The following LRRC32 variants were observed in gnomAD, a reference collection of about 807,000 sequenced individuals.
The protein encoded by LRRC32 is leucine rich repeat containing 32.
A neutral mutation model predicts 15.0 loss-of-function variants in LRRC32; 5 were observed. The observed-to-expected ratio is 0.33, with a 90% CI of 0.17 to 0.70. LRRC32 has a LOEUF of 0.70. Among genes scored for constraint, LRRC32 ranks in the 30% least tolerant of loss-of-function variants. The pLI, the probability that LRRC32 is intolerant of heterozygous loss-of-function variation, is 0.66. For synonymous variants in LRRC32, 391 were observed against 403.9 expected (o/e 0.97, Z 0.38); for missense variants, 803 against 854.2 (o/e 0.94, Z 0.75).
At position 76,660,511 on chromosome 11, in the gene LRRC32, G is replaced by A; in HGVS notation, c.1082C>T (p.Ser361Phe). ...GTCAAGGAGCATCAGGCAGGGCAGGGAGCCTAAGCGCCGGGCCTCAAAGGT... is the reference window on the plus strand; with the variant it reads ...GTCAAGGAGCATCAGGCAGGGCAGGAAGCCTAAGCGCCGGGCCTCAAAGGT... ...LRTFEARRLG[S>F]LPCLMLLDLS... is the part of the protein sequence containing the mutation. The change falls in exon 3 of 3, where the codon TCC becomes TTC. Residue 361 changes from serine to phenylalanine, a missense_variant. Coordinates refer to ENST00000260061, the MANE Select transcript of LRRC32 (RefSeq NM_001128922.2). The A allele has an allele frequency of 1.2e-6, 2 of 1,614,156 alleles. No individual in the cohort carries two copies. Among genetic ancestry groups the A allele is most frequent in the Non-Finnish European group, 1.7e-6 (2 of 1,180,024 alleles).
At position 76,660,183 on chromosome 11, in the gene LRRC32, C is replaced by T. The variant is rs1453318872; in HGVS notation, c.1410G>A (p.Glu470=). 1 of 1,593,394 alleles carries T rather than the reference C, an allele frequency of 6.3e-7. No homozygotes were observed. The highest frequency in any genetic ancestry group is 1.1e-5 in the South Asian group (1 of 88,254). ...GCCCAGGATTGGAAGAAAGGTCCAG[C>T]TCAGTCAGTGGGGTGTGGAGGAAGG... The part of the protein sequence containing the change: ...AGAFLHTPLT[E]LDLSSNPGLE... The change falls in exon 3 of 3, where the codon GAG becomes GAA. Residue 470 remains glutamate (E), a synonymous_variant. Transcript: ENST00000260061.
Position 76,661,361 on chromosome 11 carries a change from G to A in LRRC32, c.232C>T (p.Leu78=), listed in dbSNP as rs758901695. Residue 78 remains leucine (L), a synonymous_variant, in exon 3 of 3, where the codon CTG becomes TTG. Coordinates refer to ENST00000260061, the MANE Select transcript of LRRC32 (RefSeq NM_001128922.2). ...CTGATCTCATTGGTGCTCAGGTCCA[G>A]GTGACGAAGTGCTGTGTAGAAGCCC... ...PLGFYTALRH[L]DLSTNEISFL... is the part of the protein sequence containing the mutation. 6 of 1,614,088 alleles carry A rather than the reference G, an allele frequency of 3.7e-6. No individual in the cohort carries two copies. In the Admixed American group the frequency reaches 5.0e-5, roughly 13 times the overall value.
rs1358518255 is a variant in LRRC32, at chr11:76,669,384, T to TGA, written c.-5+1229_-5+1230insTC. ...GTGTGTGTGTGTGTGTGTGTGTGTG[T>TGA]GTGAGAGAGAGAGAGAGAGTGAGAG... On this transcript the variant is annotated intron_variant, in intron 1 of 2. Transcript: ENST00000260061. Among the ~76,000 whole-genome samples the TGA allele has an allele frequency of 7.5e-3, 1,016 of 135,166 alleles. 5 individuals are homozygous for TGA. The highest frequency in any genetic ancestry group is 0.018 in the South Asian group (76 of 4,322). 88.7% of individuals were successfully genotyped at this position (135,166 alleles called of 152,430 possible).
rs1185813552 is a variant in LRRC32, at chr11:76,659,589, T to G, written c.*15A>C. The G allele has an allele frequency of 6.2e-7, 1 of 1,610,006 alleles. No homozygotes were observed. ...CTCAGGCTCCCCCACTGACCTAGAG[T>G]GTCTCCCGGCTTCTTTAGGCTTTAT... On this transcript the variant is annotated 3_prime_UTR_variant, in exon 3 of 3. Coordinates refer to ENST00000260061, the MANE Select transcript of LRRC32 (RefSeq NM_001128922.2).
chr11:76,661,293 C>A lies in LRRC32; in HGVS notation c.300G>T (p.Glu100Asp). Residue 100 changes from glutamate (E) to aspartate (D), a missense_variant, in exon 3 of 3, where the codon GAG (glutamate) becomes GAT (aspartate). Physicochemically the swap from Glu to Asp is conservative, Grantham distance 45. Transcript: ENST00000260061. ...PGAFQALTHL[E>D]HLSLAHNRLA... ...GCCGGTTGTGAGCCAGGCTGAGGTG[C>A]TCCAGGTGGGTCAGGGCCTGGAAGG... 6.2e-7 allele frequency: 1 copy of A among 1,614,188 alleles called. No individual in the cohort carries two copies. Among genetic ancestry groups the A allele is most frequent in the Non-Finnish European group, 8.5e-7 (1 of 1,180,026 alleles).
At chr11:76,670,512 G>C (rs1057456868) in intron 1 of LRRC32, 102 bp downstream of exon 1, 34 of 152,156 alleles carry the variant, frequency 2.2e-4, no homozygotes, top group Non-Finnish European at 4.4e-5. Flanking sequence ...GGAGTGTTTG[G>C]GGGGCGTCCC....
intron 1 of LRRC32, among the ~76,000 whole-genome samples, chr11:76,667,266 C>T (rs1952640700): frequency 6.6e-6 from 1 of 152,188 alleles, no homozygotes; most frequent in Non-Finnish European, 1.5e-5. Flanking sequence ...AGGTACTATG[C>T]CCGAGGTCAC....
At chr11:76,663,422 A>G (rs1952571236) in intron 2 of LRRC32, 1 of 152,242 alleles carries the variant, frequency 6.6e-6, no homozygotes, top group African/African-American at 2.4e-5. Context: ...GGGAGGGAAC[A>G]CAAGCCGGTG....
chr11:76,661,867 G>A (rs987934843), intron 2 of LRRC32, among the ~76,000 whole-genome samples: 3 of 152,222 alleles, frequency 2.0e-5, no homozygotes, highest in African/African-American at 4.8e-5. Flanking sequence ...ATCCCACAGA[G>A]TGACCCCAAG....
At chr11:76,667,929 G>A (rs1055595790) in intron 1 of LRRC32, among the ~76,000 whole-genome samples, 3 of 152,204 alleles carry the variant, frequency 2.0e-5, no homozygotes, top group Non-Finnish European at 4.4e-5. Context: ...CAGCTTAGAT[G>A]GGCCAAGAGG....
At position 76,660,148 on chromosome 11, in the gene LRRC32, G is replaced by A; in HGVS notation, c.1445C>T (p.Ala482Val). ...CTCCAGGCCTCCCAAGGCCCCCGTG[G>A]CCACCTCCAGCCCAGGATTGGAAGA... The part of the protein sequence containing the change: ...DLSSNPGLEV[A>V]TGALGGLEAS... The change falls in exon 3 of 3, where the codon GCC becomes GTC. Residue 482 changes from alanine to valine, a missense_variant. Ala to Val is a moderately conservative substitution (Grantham distance 64, BLOSUM62 0). Transcript: ENST00000260061. The A allele has an allele frequency of 6.2e-7, 1 of 1,605,476 alleles. No individual in the cohort carries two copies.
rs1590761739 is a variant in LRRC32, at chr11:76,659,212, G to T, written c.*392C>A. The T allele has an allele frequency of 4.4e-6, 1 of 228,266 alleles. No homozygotes were observed. The highest frequency in any genetic ancestry group is 1.1e-4 in the East Asian group (1 of 9,266). The allele number at this position is 228,266 out of a possible 1,614,324, so 14.1% of individuals were successfully genotyped here. ...TCACACCTCAGGCCCTAAGCACACT[G>T]CGTGGCGGCCACGTGGCTCTGCAGC... On this transcript the variant is annotated 3_prime_UTR_variant, in exon 3 of 3. Transcript: ENST00000260061.
In LRRC32 at chr11:76,661,415, G is replaced by T; in HGVS notation, c.178C>A (p.Gln60Lys). The T allele has an allele frequency of 6.2e-7, 1 of 1,614,180 alleles. No homozygotes were observed. The highest frequency in any genetic ancestry group is 2.2e-5 in the East Asian group (1 of 44,884). The change falls in exon 3 of 3, where the codon CAG (glutamine) becomes AAG (lysine). Residue 60 changes from glutamine to lysine, a missense_variant. Coordinates refer to ENST00000260061, the MANE Select transcript of LRRC32 (RefSeq NM_001128922.2). The part of the protein sequence containing the change: ...DTETLDLSGN[Q>K]LRSILASPLG... ...GGTGAGGCCAGGATACTCCGCAGCTGGTTCCCAGATAGATCAAGGGTCTCA... is the reference window on the plus strand; with the variant it reads ...GGTGAGGCCAGGATACTCCGCAGCTTGTTCCCAGATAGATCAAGGGTCTCA...
intron 2 of LRRC32, among the ~76,000 whole-genome samples, chr11:76,661,712 C>G (rs144670872): frequency 4.5e-4 from 69 of 152,258 alleles, no homozygotes; most frequent in African/African-American, 1.6e-3. Flanking sequence ...GGGCACCCAG[C>G]GCAGTAATGG....
chr11:76,665,978 A>C lies in LRRC32; in HGVS notation c.-4-20T>G. 6.2e-7 allele frequency: 1 copy of C among 1,610,840 alleles called. No homozygotes were observed. Among genetic ancestry groups the C allele is most frequent in the Non-Finnish European group, 8.5e-7 (1 of 1,177,170 alleles). ...ATGGCTCTGTGTAAGGCGGAGAGGA[A>C]AGGGGAACACTGTAAGCCCACTGGC... On this transcript the variant is annotated intron_variant, in intron 1 of 2. Coordinates refer to ENST00000260061, the MANE Select transcript of LRRC32 (RefSeq NM_001128922.2).
intron 2 of LRRC32, among the ~76,000 whole-genome samples, chr11:76,665,273 G>A (rs1452849738): frequency 6.6e-6 from 1 of 152,202 alleles, no homozygotes; most frequent in Non-Finnish European, 1.5e-5. Context: ...AGTCTTCTCA[G>A]TATTGAGATA....
intron 2 of LRRC32, among the ~76,000 whole-genome samples, chr11:76,665,327 C>T (rs970287080): frequency 6.6e-6 from 1 of 152,102 alleles, no homozygotes; most frequent in Admixed American, 6.5e-5. Context: ...AAGGTGTGAT[C>T]AGACTAGGCC....
Position 76,667,519 on chromosome 11 carries a change from G to A in LRRC32, c.-4-1561C>T, listed in dbSNP as rs1203602588. On this transcript the variant is annotated intron_variant, in intron 1 of 2. Coordinates refer to ENST00000260061, the MANE Select transcript of LRRC32 (RefSeq NM_001128922.2). ...TCTGAATCCCATCTCTCTTGAAGGC[G>A]CACAGACCACAGCCGGACCCGGTAA... Among the ~76,000 whole-genome samples the A allele has an allele frequency of 5.9e-5, 9 of 152,206 alleles. No homozygotes were observed. In the South Asian group the frequency reaches 1.9e-3, roughly 32 times the overall value.
chr11:76,665,200 G>A (rs1017450406), intron 2 of LRRC32, among the ~76,000 whole-genome samples: 6 of 152,238 alleles, frequency 3.9e-5, no homozygotes, highest in South Asian at 2.1e-4. Flanking sequence ...CTTGCCCTAG[G>A]GAAGTTCATG....
Sources: allele counts gnomAD v4.1 joint callset (sites outside exome capture counted in the v4.1 genomes callset), GRCh38; gene constraint gnomAD v4.1.1; transcripts MANE v1.5; gene names NCBI Gene and HGNC (gene_info 2026-07-23, HGNC 2026-07-21).